Variants in NRXN1 observed in about 807,000 individuals in gnomAD.
The protein encoded by NRXN1 is neurexin-1.
NRXN1 carries 39 observed loss-of-function variants against 150.9 expected under a neutral mutation model. The ratio of observed to expected loss-of-function variants is 0.26; its 90% CI spans 0.20 to 0.34. The LOEUF is 0.34. NRXN1 is among the 10% of genes least tolerant of loss of function. The pLI is 1.00. For missense variants in NRXN1, 1,815 were observed against 1,949.9 expected, an observed-to-expected ratio of 0.93 and a Z score of 1.30; for synonymous variants, 924 against 757.0, an observed-to-expected ratio of 1.22 and a Z score of -3.62.
At chr2:49,975,617 C>A (rs1678827925) in intron 21 of NRXN1, among the ~76,000 whole-genome samples, 1 of 152,062 alleles carries the variant, frequency 6.6e-6, no homozygotes, top group Admixed American at 6.6e-5. Flanking sequence ...TAGATGTTGT[C>A]ATGTGTTTTT....
intron 5 of NRXN1, among the ~76,000 whole-genome samples, chr2:50,768,268 G>A (rs1702590836): frequency 6.6e-6 from 1 of 152,046 alleles, no homozygotes; most frequent in Admixed American, 6.6e-5. Context: ...GGGCAGTAAA[G>A]TTAGGGATAA....
At chr2:50,248,217 G>A (rs933177470) in intron 17 of NRXN1, among the ~76,000 whole-genome samples, 10 of 152,198 alleles carry the variant, frequency 6.6e-5, no homozygotes, top group African/African-American at 1.9e-4. Flanking sequence ...GTCTCACTAT[G>A]TTTCCCAGGT....
chr2:50,577,483 A>G (rs1671610844), intron 8 of NRXN1, among the ~76,000 whole-genome samples: 1 of 152,042 alleles, frequency 6.6e-6, no homozygotes, highest in Non-Finnish European at 1.5e-5. Context: ...AGTTCCTAAG[A>G]TCACATTATA....
At chr2:50,072,234 C>T (rs1375363869) in intron 19 of NRXN1, among the ~76,000 whole-genome samples, 3 of 152,152 alleles carry the variant, frequency 2.0e-5, no homozygotes, top group Non-Finnish European at 4.4e-5. Flanking sequence ...CGGATGACTG[C>T]AGCACTATTA....
At chr2:50,556,434 A>G (rs1266790805) in intron 8 of NRXN1, among the ~76,000 whole-genome samples, 1 of 152,058 alleles carries the variant, frequency 6.6e-6, no homozygotes, top group Non-Finnish European at 1.5e-5. Flanking sequence ...TTATCATCAT[A>G]ACAATTGATG....
intron 2 of NRXN1, among the ~76,000 whole-genome samples, chr2:50,979,430 A>G (rs1696425635): frequency 6.6e-6 from 1 of 152,166 alleles, no homozygotes; most frequent in South Asian, 2.1e-4. Flanking sequence ...TATTCAGGAC[A>G]TGAAACCAGG....
chr2:51,022,989 C>T (rs1015516910), intron 2 of NRXN1, among the ~76,000 whole-genome samples: 3 of 152,130 alleles, frequency 2.0e-5, no homozygotes, highest in African/African-American at 4.8e-5. Flanking sequence ...TCAGGTAATG[C>T]TTTTCATAGG....
chr2:50,846,313 G>A (rs1269148035), intron 5 of NRXN1, among the ~76,000 whole-genome samples: 1 of 152,154 alleles, frequency 6.6e-6, no homozygotes. Flanking sequence ...CAAAGTGTCA[G>A]GTGTAAGGCT....
intron 9 of NRXN1, among the ~76,000 whole-genome samples, chr2:50,540,485 T>C (rs1288761809): frequency 6.6e-6 from 1 of 152,186 alleles, no homozygotes; most frequent in African/African-American, 2.4e-5. Flanking sequence ...TATAGCCCTA[T>C]TCAAAATACC....
At chr2:50,619,729 T>C in intron 8 of NRXN1, 2 of 407,618 alleles carry the variant, frequency 4.9e-6, no homozygotes, top group Non-Finnish European at 4.4e-6. Context: ...AGCTCAACTT[T>C]AGACCCAGTA....
intron 2 of NRXN1, among the ~76,000 whole-genome samples, chr2:50,939,326 T>A (rs1021410982): frequency 1.3e-5 from 2 of 151,784 alleles, no homozygotes; most frequent in East Asian, 3.9e-4. Flanking sequence ...GTTTCCTGAA[T>A]ACAAACTATT....
intron 17 of NRXN1, among the ~76,000 whole-genome samples, chr2:50,300,415 G>A (rs1178734087): frequency 3.3e-5 from 5 of 152,166 alleles, no homozygotes; most frequent in Non-Finnish European, 7.3e-5. Flanking sequence ...AACTCCAGTG[G>A]GAAAGTCATC....
intron 17 of NRXN1, among the ~76,000 whole-genome samples, chr2:50,257,238 T>G (rs1299283062): frequency 6.6e-6 from 1 of 152,060 alleles, no homozygotes; most frequent in Admixed American, 6.6e-5. Flanking sequence ...TCTATTACCT[T>G]TTTAATAGTA....
chr2:50,061,184 A>T (rs1694477674), intron 19 of NRXN1, among the ~76,000 whole-genome samples: 1 of 152,204 alleles, frequency 6.6e-6, no homozygotes, highest in Admixed American at 6.5e-5. Context: ...CTTGTAAAAT[A>T]TCATTCAGTA....
rs991521404 is a variant in NRXN1 at position 49,997,296 on chromosome 2, TA to T, written c.4129-53506del. Among the ~76,000 whole-genome samples, 5 of 152,292 alleles carry T rather than the reference TA, an allele frequency of 3.3e-5. 1 individual carries two copies. Among genetic ancestry groups the T allele is most frequent in the African/African-American group, 1.2e-4 (5 of 41,560 alleles). Reference sequence around the variant, plus strand: ...GTGACTATTGACCATTGGGAAAATTTAAATAGTATGTATTCATGAGAAGGGA... The same window carrying T: ...GTGACTATTGACCATTGGGAAAATTTAATAGTATGTATTCATGAGAAGGGA... On this transcript the variant is annotated intron_variant, in intron 21 of 22. Coordinates refer to ENST00000401669, the MANE Select transcript of NRXN1 (RefSeq NM_001330078.2).
At chr2:50,861,927 T>G (rs112558771) in intron 5 of NRXN1, among the ~76,000 whole-genome samples, 3 of 152,090 alleles carry the variant, frequency 2.0e-5, no homozygotes, top group Non-Finnish European at 4.4e-5. Flanking sequence ...CAGGGCTGGG[T>G]GCAGTGGCTC....
At chr2:50,950,711 C>T (rs1237726878) in intron 2 of NRXN1, among the ~76,000 whole-genome samples, 1 of 152,160 alleles carries the variant, frequency 6.6e-6, no homozygotes, top group Non-Finnish European at 1.5e-5. Context: ...TCGGTAACAA[C>T]ATTTAACAGC....
chr2:50,293,316 T>C (rs1194900431), intron 17 of NRXN1, among the ~76,000 whole-genome samples: 2 of 152,054 alleles, frequency 1.3e-5, no homozygotes, highest in Non-Finnish European at 2.9e-5. Flanking sequence ...CCAGTGATAG[T>C]TCTCGGCCCA....
intron 17 of NRXN1, among the ~76,000 whole-genome samples, chr2:50,247,708 A>C (rs2066639049): frequency 6.6e-6 from 1 of 152,116 alleles, no homozygotes; most frequent in African/African-American, 2.4e-5. Flanking sequence ...ATTAGAGAAA[A>C]CTAAGAAGAT....
Sources: gnomAD v4.1 joint callset for allele counts (sites outside exome capture counted in the v4.1 genomes callset) on GRCh38, gnomAD v4.1.1 for gene constraint, MANE v1.5 for transcripts, NCBI Gene and HGNC (gene_info 2026-07-23, HGNC 2026-07-21) for gene names.